WNT9B: variants seen among roughly 807,000 people sequenced by gnomAD.
WNT9B encodes Wnt family member 9B.
Under a neutral mutation model 30.2 loss-of-function variants are expected in WNT9B, and 12 were observed. The observed-to-expected ratio is 0.40, with a 90% CI of 0.26 to 0.64. The LOEUF (loss-of-function observed/expected upper bound fraction) is 0.64, where lower values mean the gene tolerates loss of function less well. Ranked by LOEUF, WNT9B falls within the 30% of genes least tolerant of loss-of-function variation. WNT9B has a pLI of 0.42. For missense variants in WNT9B, 442 were observed against 485.2 expected (o/e 0.91, Z 0.84); for synonymous variants, 218 against 216.9 (o/e 1.01, Z -0.05).
chr17:46,872,509 C>A lies in WNT9B; in HGVS notation c.78-8C>A. ...GCTCACCTGTCTCCCTCCTCTCGCT[C>A]TCTCTAGCCTGACCGGGCGGGAAGT... On this transcript the variant is annotated splice_region_variant and splice_polypyrimidine_tract_variant and intron_variant, in intron 1 of 3. Coordinates refer to ENST00000290015, the MANE Select transcript of WNT9B (RefSeq NM_003396.3). The A allele has an allele frequency of 6.8e-7, 1 of 1,476,738 alleles. No homozygotes were observed. Among genetic ancestry groups the A allele is most frequent in the South Asian group, 1.4e-5 (1 of 69,158 alleles). The allele number at this position is 1,476,738 out of a possible 1,614,324, so 91.5% of individuals were successfully genotyped here. A position where few individuals can be genotyped will look rare whatever the true frequency, so the allele number is the denominator to read the frequency against.
chr17:46,864,724 T>C (rs2085103087), intron 1 of WNT9B, among the ~76,000 whole-genome samples: 1 of 152,264 alleles, frequency 6.6e-6, no homozygotes, highest in African/African-American at 2.4e-5. Flanking sequence ...ACTGCCAGGC[T>C]TGGTGGAAGC....
intron 1 of WNT9B, among the ~76,000 whole-genome samples, chr17:46,837,260 CATG>C (rs2084644956): frequency 6.6e-6 from 1 of 152,122 alleles, no homozygotes; most frequent in Non-Finnish European, 1.5e-5. Context: ...AAGTATTTCA[CATG>C]ATATTTGTTT....
At chr17:46,848,102 C>A (rs971722633), upstream of WNT9B, among the ~76,000 whole-genome samples, 1 of 151,980 alleles carries the variant, frequency 6.6e-6, no homozygotes, top group Non-Finnish European at 1.5e-5. Flanking sequence ...TCCAAGAATG[C>A]TTCTCTTGCA....
At chr17:46,841,938 G>A (rs891106379) in intron 1 of WNT9B, among the ~76,000 whole-genome samples, 1 of 152,216 alleles carries the variant, frequency 6.6e-6, no homozygotes, top group Non-Finnish European at 1.5e-5. Context: ...TCCCTGCCGC[G>A]CCGAGCGTCC....
At chr17:46,867,467 G>T (rs2146586316) in intron 1 of WNT9B, among the ~76,000 whole-genome samples, 1 of 152,348 alleles carries the variant, frequency 6.6e-6, no homozygotes, top group East Asian at 1.9e-4. Context: ...ACCTCGGAGT[G>T]AGTCAGACCT....
intron 2 of WNT9B, among the ~76,000 whole-genome samples, chr17:46,873,193 G>A (rs553958053): frequency 8.6e-5 from 13 of 152,000 alleles, no homozygotes; most frequent in South Asian, 2.1e-4. Flanking sequence ...CCGATGACAC[G>A]AGCCAGGCGA....
chr17:46,858,910 T>A (rs907344681), intron 1 of WNT9B, among the ~76,000 whole-genome samples: 1 of 152,016 alleles, frequency 6.6e-6, no homozygotes, highest in Non-Finnish European at 1.5e-5. Flanking sequence ...CAAGCAATTC[T>A]CCTGCCTCGG....
chr17:46,845,258 G>C (rs566866700), intron 1 of WNT9B, among the ~76,000 whole-genome samples: 28 of 152,228 alleles, frequency 1.8e-4, no homozygotes, highest in African/African-American at 6.5e-4. Flanking sequence ...GCCCATAGGG[G>C]ACTTCACGGT....
At chr17:46,841,181 T>C (rs2084708968) in intron 1 of WNT9B, among the ~76,000 whole-genome samples, 1 of 152,180 alleles carries the variant, frequency 6.6e-6, no homozygotes, top group Non-Finnish European at 1.5e-5. Flanking sequence ...GACAGGAACA[T>C]GACACGCATG....
chr17:46,875,453 C>T, intron 3 of WNT9B, 87 bp downstream of exon 3: 1 of 1,442,154 alleles, frequency 6.9e-7, no homozygotes, highest in African/African-American at 1.4e-5. Flanking sequence ...GCACCCCACT[C>T]CCCAAAATAC....
chr17:46,858,900 C>G (rs1344123724), intron 1 of WNT9B, among the ~76,000 whole-genome samples: 1 of 151,474 alleles, frequency 6.6e-6, no homozygotes, highest in Non-Finnish European at 1.5e-5. Flanking sequence ...CTCCTGGGCT[C>G]AAGCAATTCT....
At chr17:46,848,699 G>A (rs146280226), upstream of WNT9B, among the ~76,000 whole-genome samples, 695 of 152,350 alleles carry the variant, frequency 4.6e-3, 10 homozygotes, top group African/African-American at 0.016. Context: ...TGCCTGGGCA[G>A]TTCTGAGCCA....
chr17:46,838,790 C>T (rs1193244422), intron 1 of WNT9B, among the ~76,000 whole-genome samples: 1 of 152,134 alleles, frequency 6.6e-6, no homozygotes, highest in Non-Finnish European at 1.5e-5. Flanking sequence ...TTTACAAAAA[C>T]AGATAATTTG....
At chr17:46,846,174 C>A (rs1023011568) in intron 1 of WNT9B, among the ~76,000 whole-genome samples, 1 of 152,222 alleles carries the variant, frequency 6.6e-6, no homozygotes, top group Non-Finnish European at 1.5e-5. Flanking sequence ...GCTCAAAGCA[C>A]TCCTGCTAGT....
At chr17:46,866,160 T>C (rs1169196913) in intron 1 of WNT9B, among the ~76,000 whole-genome samples, 3 of 151,854 alleles carry the variant, frequency 2.0e-5, no homozygotes, top group African/African-American at 7.3e-5. Flanking sequence ...GTAGGGGAAA[T>C]CTGGGGCCTC....
At position 46,845,785 on chromosome 17, in the gene WNT9B, C is replaced by CT. The variant is rs34253824; in HGVS notation, c.95+12368dup. On this transcript the variant is annotated intron_variant, in intron 1 of 2. Coordinates refer to the WNT9B transcript ENST00000575372. ...TTACACGTGTGAGCCACTGTGCTGG[C>CT]TTTTTTTTTTTTTTTTTTTTTTTGA... 8.5e-3 allele frequency among the ~76,000 whole-genome samples: 741 copies of CT among 86,752 alleles called. 5 individuals are homozygous for CT. The highest frequency in any genetic ancestry group is 0.011 in the African/African-American group (217 of 19,170). 56.9% of individuals were successfully genotyped at this position (86,752 alleles called of 152,430 possible).
At chr17:46,834,123 C>T (rs1487565455) in intron 1 of WNT9B, among the ~76,000 whole-genome samples, 2 of 152,032 alleles carry the variant, frequency 1.3e-5, no homozygotes, top group African/African-American at 4.8e-5. Flanking sequence ...TGAGCCCAGG[C>T]ATTTGAGGTT....
intron 1 of WNT9B, among the ~76,000 whole-genome samples, chr17:46,845,084 G>A (rs2084759791): frequency 6.6e-6 from 1 of 152,180 alleles, no homozygotes; most frequent in African/African-American, 2.4e-5. Context: ...CCTGACCTCA[G>A]GTGATCCACT....
At chr17:46,874,860 G>T in intron 2 of WNT9B, 1 of 641,552 alleles carries the variant, frequency 1.6e-6, no homozygotes, top group Non-Finnish European at 2.8e-6. Flanking sequence ...TTAGGGGCAC[G>T]AGCCACTGTG....
Sources: gnomAD v4.1 joint callset for allele counts (sites outside exome capture counted in the v4.1 genomes callset) on GRCh38, gnomAD v4.1.1 for gene constraint, MANE v1.5 for transcripts, NCBI Gene and HGNC (gene_info 2026-07-23, HGNC 2026-07-21) for gene names.